Variants in VSNL1 observed in about 807,000 individuals in gnomAD.
VSNL1 encodes visinin like 1, also known as visinin-like protein 1.
In VSNL1, 6 loss-of-function variants were observed where a neutral mutation model predicts 20.4. That is an observed-to-expected ratio of 0.29 (90% CI 0.16 to 0.58). VSNL1 has a LOEUF of 0.58. Among genes scored for constraint, VSNL1 ranks in the 20% least tolerant of loss-of-function variants. The probability of loss-of-function intolerance (pLI) is 0.90; values close to 1 mark genes in which losing one functional copy is unlikely to be tolerated. For synonymous variants in VSNL1, 93 were observed against 86.4 expected (o/e 1.08, Z -0.42); for missense variants, 100 against 234.5 (o/e 0.43, Z 3.75).
At chr2:17,628,000 A>G (rs1665550057) in intron 2 of VSNL1, among the ~76,000 whole-genome samples, 1 of 152,282 alleles carries the variant, frequency 6.6e-6, no homozygotes, top group Admixed American at 6.5e-5. Context: ...TAGGTCTGAT[A>G]TCTTTCACTG....
intron 1 of VSNL1, among the ~76,000 whole-genome samples, chr2:17,570,011 G>C (rs143291188): frequency 9.7e-4 from 148 of 152,278 alleles, no homozygotes; most frequent in Admixed American, 2.6e-3. Context: ...TTCGATGAAG[G>C]ATCTTTTCCG....
chr2:17,566,073 C>G (rs1322250654), intron 1 of VSNL1, among the ~76,000 whole-genome samples: 1 of 152,182 alleles, frequency 6.6e-6, no homozygotes, highest in Non-Finnish European at 1.5e-5. Flanking sequence ...AATAAATTAT[C>G]CAGTCCCTAG....
In VSNL1 at chr2:17,625,162, G is replaced by C. The variant is rs574908043; in HGVS notation, c.163-24248G>C. ...TGCCTGCTGCCATCCATGTAAGACA[G>C]GACTTGTTCCTCCTTGCCTTCCACC... On this transcript the variant is annotated intron_variant, in intron 2 of 3. Coordinates refer to ENST00000295156, the MANE Select transcript of VSNL1 (RefSeq NM_003385.5). Among the ~76,000 whole-genome samples, 15 of 152,292 alleles carry C rather than the reference G, an allele frequency of 9.8e-5. No homozygotes were observed. In the South Asian group the frequency reaches 3.1e-3, roughly 32 times the overall value.
chr2:17,622,194 A>T, intron 2 of VSNL1, among the ~76,000 whole-genome samples: 1 of 150,346 alleles, frequency 6.7e-6, no homozygotes, highest in Non-Finnish European at 1.5e-5. Flanking sequence ...TGAACATAAA[A>T]ATCTTCAGAC....
chr2:17,578,852 C>A (rs1664280626), intron 1 of VSNL1, among the ~76,000 whole-genome samples: 1 of 152,256 alleles, frequency 6.6e-6, no homozygotes, highest in South Asian at 2.1e-4. Flanking sequence ...ACATCAAACA[C>A]AGGGACCTCA....
chr2:17,607,701 C>A (rs1664979087), intron 2 of VSNL1, among the ~76,000 whole-genome samples: 1 of 152,194 alleles, frequency 6.6e-6, no homozygotes, highest in Admixed American at 6.5e-5. Context: ...TCTTAGTCAT[C>A]TCTGTATCCC....
At chr2:17,560,857 G>T (rs1663796817) in intron 1 of VSNL1, among the ~76,000 whole-genome samples, 1 of 152,102 alleles carries the variant, frequency 6.6e-6, no homozygotes, top group Non-Finnish European at 1.5e-5. Flanking sequence ...CATAATGCCT[G>T]GTCCATAACT....
At chr2:17,558,911 A>G (rs1572331250) in intron 1 of VSNL1, among the ~76,000 whole-genome samples, 2 of 152,334 alleles carry the variant, frequency 1.3e-5, no homozygotes, top group South Asian at 4.1e-4. Flanking sequence ...CCCAGATAAC[A>G]ATGGCTTAAA....
rs1666208937 is a variant in VSNL1 at position 17,655,436 on chromosome 2, C to G, written c.*42C>G. ...TGGACTGCACAAAAGTCTCAATGTT[C>G]CATTCAGTCTGCAGCTATTCACACA... On this transcript the variant is annotated 3_prime_UTR_variant, in exon 4 of 4. Coordinates refer to ENST00000295156, the MANE Select transcript of VSNL1 (RefSeq NM_003385.5). The surrounding 1 kb of genome is among the most constrained non-coding windows in gnomAD (Gnocchi z 5.2). The G allele has an allele frequency of 8.4e-7, 1 of 1,193,396 alleles. No homozygotes were observed. Among genetic ancestry groups the G allele is most frequent in the Admixed American group, 1.8e-5 (1 of 55,962 alleles). 73.9% of individuals were successfully genotyped at this position (1,193,396 alleles called of 1,614,324 possible).
intron 3 of VSNL1, among the ~76,000 whole-genome samples, chr2:17,652,525 G>C (rs985591154): frequency 7.0e-4 from 106 of 152,334 alleles, no homozygotes; most frequent in Middle Eastern, 3.4e-3. Flanking sequence ...CAGCCCAGGA[G>C]AATGGGAGAG....
intron 1 of VSNL1, among the ~76,000 whole-genome samples, chr2:17,585,276 C>T (rs1664443674): frequency 6.6e-6 from 1 of 152,050 alleles, no homozygotes; most frequent in Non-Finnish European, 1.5e-5. Context: ...CCACACCCTC[C>T]CTGCCCGCTG....
chr2:17,635,233 A>G (rs570458779), intron 2 of VSNL1, among the ~76,000 whole-genome samples: 1 of 152,322 alleles, frequency 6.6e-6, no homozygotes, highest in Non-Finnish European at 1.5e-5. Flanking sequence ...TGGAACACTC[A>G]GGGCTCTGGT....
intron 1 of VSNL1, among the ~76,000 whole-genome samples, chr2:17,557,468 T>A (rs1267542679): frequency 6.6e-6 from 1 of 152,146 alleles, no homozygotes; most frequent in Non-Finnish European, 1.5e-5. Flanking sequence ...ATGGCACCAC[T>A]TACAATTAAT....
intron 1 of VSNL1, among the ~76,000 whole-genome samples, chr2:17,587,716 C>T (rs980165290): frequency 4.6e-5 from 7 of 152,148 alleles, no homozygotes; most frequent in Non-Finnish European, 8.8e-5. Flanking sequence ...GAACTGCATG[C>T]ATTCTTTACT....
At chr2:17,559,054 C>T (rs902044253) in intron 1 of VSNL1, among the ~76,000 whole-genome samples, 22 of 151,970 alleles carry the variant, frequency 1.4e-4, no homozygotes, top group Admixed American at 8.5e-4. Context: ...CTTGGCTAGC[C>T]GTCCTTAGCA....
At chr2:17,561,224 A>G (rs1343003288) in intron 1 of VSNL1, among the ~76,000 whole-genome samples, 1 of 152,218 alleles carries the variant, frequency 6.6e-6, no homozygotes, top group Non-Finnish European at 1.5e-5. Context: ...GTGGACATAT[A>G]TAACAAAGAG....
chr2:17,628,570 T>C (rs1665561533), intron 2 of VSNL1, among the ~76,000 whole-genome samples: 1 of 152,150 alleles, frequency 6.6e-6, no homozygotes, highest in Non-Finnish European at 1.5e-5. Context: ...GGAGAAAGAT[T>C]TGTGAGGACT....
At chr2:17,613,751 T>A (rs1262676218) in intron 2 of VSNL1, among the ~76,000 whole-genome samples, 1 of 152,230 alleles carries the variant, frequency 6.6e-6, no homozygotes, top group African/African-American at 2.4e-5. Flanking sequence ...TTCACCCATC[T>A]TTCCACGTTT....
intron 1 of VSNL1, among the ~76,000 whole-genome samples, chr2:17,548,292 TC>T (rs1009682166): frequency 2.0e-5 from 3 of 151,958 alleles, no homozygotes; most frequent in African/African-American, 7.2e-5. Context: ...CTTCAGGTTT[TC>T]CCCCCTTCTT....
Sources: allele counts gnomAD v4.1 joint callset (sites outside exome capture counted in the v4.1 genomes callset), GRCh38; gene constraint gnomAD v4.1.1; non-coding constraint Gnocchi (gnomAD v3.1); transcripts MANE v1.5; gene names NCBI Gene and HGNC (gene_info 2026-07-23, HGNC 2026-07-21).